PARVB: variants seen among roughly 807,000 people sequenced by gnomAD.
PARVB encodes beta-parvin.
Under a neutral mutation model 47.0 loss-of-function variants are expected in PARVB, and 46 were observed. The ratio of observed to expected loss-of-function variants is 0.98; its 90% CI spans 0.77 to 1.25. PARVB has a LOEUF of 1.25. PARVB is among the 50% of genes most tolerant of loss of function. PARVB has a pLI of 0.00. For missense variants in PARVB, 473 were observed against 471.6 expected, an observed-to-expected ratio of 1.00 and a Z score of -0.03; for synonymous variants, 196 against 196.3, an observed-to-expected ratio of 1.00 and a Z score of 0.01.
intron 6 of PARVB, among the ~76,000 whole-genome samples, 183 bp from the exon 7 acceptor site, chr22:44,136,277 C>G (rs1051212607): frequency 6.6e-6 from 1 of 152,222 alleles, no homozygotes; most frequent in Non-Finnish European, 1.5e-5. Flanking sequence ...TGAAAGGCAC[C>G]CTGCCCAGGG....
At chr22:44,138,953 G>C (rs1257267174) in intron 7 of PARVB, 3 of 152,178 alleles carry the variant, frequency 2.0e-5, no homozygotes, top group Non-Finnish European at 4.4e-5. Context: ...GAGGGATTTG[G>C]GGACAAAGTA....
chr22:44,095,505 TAAA>T (rs111367961), intron 2 of PARVB, among the ~76,000 whole-genome samples: 4 of 127,430 alleles, frequency 3.1e-5, no homozygotes, highest in Admixed American at 7.7e-5. Context: ...CATCTCAAAG[TAAA>T]AAAAAAAAAA....
chr22:44,143,158 C>G (rs1205401814), intron 8 of PARVB: 1 of 152,762 alleles, frequency 6.5e-6, no homozygotes, highest in Non-Finnish European at 1.5e-5. Context: ...CTCCACTGCC[C>G]CAAACTGGCC....
rs552586651 is a variant in PARVB at position 44,075,768 on chromosome 22, C to T, written c.113-18160C>T. On this transcript the variant is annotated intron_variant, in intron 1 of 12. Transcript: ENST00000338758. ...TTCCTCCACGCCTTTTCACAGCTGA[C>T]GGCGCGTTTCTTCTTGGTTCCAAGT... 3.8e-4 allele frequency among the ~76,000 whole-genome samples: 58 copies of T among 152,360 alleles called. 1 individual carries two copies. Among genetic ancestry groups the T allele is most frequent in the Non-Finnish European group, 6.6e-4 (45 of 68,040 alleles).
At chr22:44,072,932 G>A (rs2051686513) in intron 1 of PARVB, among the ~76,000 whole-genome samples, 1 of 152,062 alleles carries the variant, frequency 6.6e-6, no homozygotes, top group African/African-American at 2.4e-5. Flanking sequence ...AAGCCTCTCT[G>A]GACTACTACA....
chr22:44,012,384 C>T (rs563086278), intron 2 of PARVB, among the ~76,000 whole-genome samples: 7 of 152,296 alleles, frequency 4.6e-5, no homozygotes, highest in East Asian at 1.9e-4. Flanking sequence ...TCTGCTCACA[C>T]GTGGCATGGG....
intron 5 of PARVB, among the ~76,000 whole-genome samples, chr22:44,131,933 TG>T (rs2053335514): frequency 6.6e-6 from 1 of 152,144 alleles, no homozygotes; most frequent in South Asian, 2.1e-4. Context: ...GAAGCAGCCT[TG>T]GGGGGTTCTT....
At chr22:44,102,685 A>T (rs1601604126) in intron 3 of PARVB, 1 of 152,286 alleles carries the variant, frequency 6.6e-6, no homozygotes. Context: ...ACCAAAAAAA[A>T]AAAAATTAAC....
intron 1 of PARVB, among the ~76,000 whole-genome samples, chr22:44,086,313 G>A (rs1169081727): frequency 6.6e-6 from 1 of 152,236 alleles, no homozygotes. Context: ...ATGGATCACT[G>A]GAAGTCCTTT....
At chr22:44,123,574 T>C (rs1256923106) in intron 4 of PARVB, among the ~76,000 whole-genome samples, 2 of 152,096 alleles carry the variant, frequency 1.3e-5, no homozygotes, top group African/African-American at 4.8e-5. Flanking sequence ...CCACCATGCA[T>C]GACTTATTTT....
chr22:44,030,003 C>A (rs1465561362), intron 1 of PARVB, among the ~76,000 whole-genome samples: 2 of 152,240 alleles, frequency 1.3e-5, no homozygotes, highest in Non-Finnish European at 1.5e-5. Flanking sequence ...CTTTAAATAA[C>A]CTTCAGGAGA....
intron 1 of PARVB, among the ~76,000 whole-genome samples, chr22:44,050,003 T>C (rs954076481): frequency 6.6e-5 from 10 of 152,218 alleles, no homozygotes; most frequent in Non-Finnish European, 1.0e-4. Flanking sequence ...TGCCTGCACC[T>C]GGACTCGCTG....
At chr22:44,065,102 T>A (rs977856295) in intron 1 of PARVB, among the ~76,000 whole-genome samples, 1 of 152,182 alleles carries the variant, frequency 6.6e-6, no homozygotes, top group Non-Finnish European at 1.5e-5. Context: ...TGTGCCCCAC[T>A]GAGACCCTGG....
rs908133906 is a variant in PARVB, at chr22:44,093,953, G to T, written c.138G>T (p.Lys46Asn). Residue 46 changes from lysine (K) to asparagine (N), a missense_variant, in exon 2 of 13, where the codon AAG becomes AAT. By Grantham distance (94) the Lys-to-Asn change is moderately conservative. Coordinates refer to ENST00000338758, the MANE Select transcript of PARVB (RefSeq NM_013327.5). ...REVSDLQEEG[K>N]NAINSPMSPA... ...TGAGTGACCTGCAGGAAGAAGGCAAGAATGCCATCAACTCACCGATGTCCC... is the reference window on the plus strand; with the variant it reads ...TGAGTGACCTGCAGGAAGAAGGCAATAATGCCATCAACTCACCGATGTCCC... 1.2e-6 allele frequency: 2 copies of T among 1,613,690 alleles called. No homozygotes were observed. Among genetic ancestry groups the T allele is most frequent in the Admixed American group, 3.3e-5 (2 of 59,996 alleles).
At position 44,169,066 on chromosome 22, in the gene PARVB, A is replaced by ACACCACTAGGCCCATCTAATTTTT. The variant is rs2054237382; in HGVS notation, c.*388_*389insCACCACTAGGCCCATCTAATTTTT. 3.9e-4 allele frequency: 72 copies of ACACCACTAGGCCCATCTAATTTTT among 185,630 alleles called. 2 individuals carry two copies. The highest frequency in any genetic ancestry group is 1.6e-3 in the African/African-American group (68 of 41,222). 11.5% of individuals were successfully genotyped at this position (185,630 alleles called of 1,614,324 possible). Reference sequence around the variant, plus strand: ...CACCCTGCATTCTGCCTCATGGTGCAGTTAGCGATCACAGGCCTTCAGAAG... The same window carrying ACACCACTAGGCCCATCTAATTTTT: ...CACCCTGCATTCTGCCTCATGGTGCACACCACTAGGCCCATCTAATTTTTGTTAGCGATCACAGGCCTTCAGAAG... On this transcript the variant is annotated 3_prime_UTR_variant, in exon 13 of 13. Coordinates refer to ENST00000338758, the MANE Select transcript of PARVB (RefSeq NM_013327.5).
chr22:44,079,475 C>G (rs144088499), intron 1 of PARVB, among the ~76,000 whole-genome samples: 100 of 152,284 alleles, frequency 6.6e-4, no homozygotes, highest in African/African-American at 2.3e-3. Flanking sequence ...AAGCAGTTAG[C>G]TCATCCCTGG....
chr22:44,003,960 C>T (rs916593331), intron 2 of PARVB, among the ~76,000 whole-genome samples: 5 of 152,200 alleles, frequency 3.3e-5, no homozygotes, highest in Non-Finnish European at 5.9e-5. Flanking sequence ...GCAGGGCTGG[C>T]CACTCCCCTT....
chr22:44,013,006 C>T (rs569362050), intron 2 of PARVB, among the ~76,000 whole-genome samples: 3 of 152,028 alleles, frequency 2.0e-5, no homozygotes, highest in Non-Finnish European at 4.4e-5. Flanking sequence ...AGGCGATTCT[C>T]GTGCCTCAGC....
At chr22:44,128,571 G>T (rs2053242288) in intron 4 of PARVB, among the ~76,000 whole-genome samples, 1 of 152,242 alleles carries the variant, frequency 6.6e-6, no homozygotes, top group African/African-American at 2.4e-5. Flanking sequence ...TCTGTTGCCT[G>T]CTGTTTCCAC....
Sources: allele counts gnomAD v4.1 joint callset (sites outside exome capture counted in the v4.1 genomes callset), GRCh38; gene constraint gnomAD v4.1.1; transcripts MANE v1.5; gene names NCBI Gene and HGNC (gene_info 2026-07-23, HGNC 2026-07-21).